The following ZBTB47 variants were observed in gnomAD, a reference collection of about 807,000 sequenced individuals.
The protein encoded by ZBTB47 is zinc finger and BTB domain containing 47.
Under a neutral mutation model 56.6 loss-of-function variants are expected in ZBTB47, and 24 were observed. The ratio of observed to expected loss-of-function variants is 0.42; its 90% CI spans 0.31 to 0.60. The LOEUF (loss-of-function observed/expected upper bound fraction) is 0.60. Among genes scored for constraint, ZBTB47 ranks in the 20% least tolerant of loss-of-function variants. ZBTB47 has a pLI of 0.14. For missense variants in ZBTB47, 829 were observed against 1,032.6 expected (o/e 0.80, Z 2.70); for synonymous variants, 414 against 418.9 (o/e 0.99, Z 0.14).
chr3:42,667,468 T>C lies in ZBTB47; in HGVS notation c.*2870T>C, dbSNP rs774713370. ...GGCAGAATGGCCATGCCCAGGTGTG[T>C]GTTGAGACCATTGACAACTGCTCGT... On this transcript the variant is annotated 3_prime_UTR_variant, in exon 6 of 6. Coordinates refer to ENST00000232974, the MANE Select transcript of ZBTB47 (RefSeq NM_145166.4). Among the ~76,000 whole-genome samples, 4 of 152,198 alleles carry C rather than the reference T, an allele frequency of 2.6e-5. No individual in the cohort carries two copies. The highest frequency in any genetic ancestry group is 4.8e-5 in the African/African-American group (2 of 41,460).
Position 42,658,887 on chromosome 3 carries a change from G to A in ZBTB47, c.532G>A (p.Val178Met). 6.6e-7 allele frequency: 1 copy of A among 1,513,466 alleles called. No homozygotes were observed. The highest frequency in any genetic ancestry group is 8.8e-7 in the Non-Finnish European group (1 of 1,134,822). 93.8% of individuals were successfully genotyped at this position (1,513,466 alleles called of 1,614,324 possible). ...EDGAGTAGGT[V>M]PATIGPAQPF... Reference sequence around the variant, plus strand: ...CGGGGCAGGGACTGCTGGTGGCACAGTGCCTGCCACCATTGGGCCAGCCCA... The same window carrying A: ...CGGGGCAGGGACTGCTGGTGGCACAATGCCTGCCACCATTGGGCCAGCCCA... The change falls in exon 2 of 6, where the codon GTG (valine) becomes ATG (methionine). Residue 178 changes from valine to methionine, a missense_variant. Around this residue, in one of 6 missense-constraint regions of ZBTB47, gnomAD observed 359 missense variants for 359.8 expected, o/e 1.00. Coordinates refer to ENST00000232974, the MANE Select transcript of ZBTB47 (RefSeq NM_145166.4).
chr3:42,666,684 C>G lies in ZBTB47; in HGVS notation c.*2086C>G, dbSNP rs6785543. 6.6e-6 allele frequency among the ~76,000 whole-genome samples: 1 copy of G among 152,174 alleles called. No individual in the cohort carries two copies. Among genetic ancestry groups the G allele is most frequent in the South Asian group, 2.1e-4 (1 of 4,830 alleles). ...TACAGCCTGAGTAGGCCTGAGTGGC[C>G]GTGGCCAGGCTGAGACCTGTCAGGC... On this transcript the variant is annotated 3_prime_UTR_variant, in exon 6 of 6. Transcript: ENST00000232974.
At position 42,658,443 on chromosome 3, in the gene ZBTB47, G is replaced by T; in HGVS notation, c.88G>T (p.Ala30Ser). 6.5e-7 allele frequency: 1 copy of T among 1,536,982 alleles called. No homozygotes were observed. Among genetic ancestry groups the T allele is most frequent in the Non-Finnish European group, 8.7e-7 (1 of 1,146,916 alleles). The change falls in exon 2 of 6, where the codon GCA (alanine) becomes TCA (serine). Residue 30 changes from alanine to serine, a missense_variant. Ala to Ser is a moderately conservative substitution (Grantham distance 99). Coordinates refer to ENST00000232974, the MANE Select transcript of ZBTB47 (RefSeq NM_145166.4). ...GGTGCCCCAGCGCAGCGTCTTTCCG[G>T]CACACAAGGGTGTGCTAGCCGCCTA... ...VLVPQRSVFP[A>S]HKGVLAAYSQ... is the part of the protein sequence containing the mutation.
At chr3:42,664,175 G>A in intron 5 of ZBTB47, 62 bp from the exon 6 acceptor site, 1 of 1,589,958 alleles carries the variant, frequency 6.3e-7, no homozygotes, top group Non-Finnish European at 8.6e-7. Context: ...GACGGAGGCT[G>A]GCCCCAGACT....
At chr3:42,657,529 G>T (rs574620232) in intron 1 of ZBTB47, among the ~76,000 whole-genome samples, 2 of 152,232 alleles carry the variant, frequency 1.3e-5, no homozygotes, top group Admixed American at 1.3e-4. Context: ...CCTGGCCCAA[G>T]CCCTGGCTGT....
rs1710665132 is a variant in ZBTB47, at chr3:42,658,441, C to T, written c.86C>T (p.Pro29Leu). The T allele has an allele frequency of 1.3e-6, 2 of 1,537,010 alleles. No individual in the cohort carries two copies. The highest frequency in any genetic ancestry group is 1.7e-6 in the Non-Finnish European group (2 of 1,146,918). ...CTGGTGCCCCAGCGCAGCGTCTTTC[C>T]GGCACACAAGGGTGTGCTAGCCGCC... The part of the protein sequence containing the change: ...LVLVPQRSVF[P>L]AHKGVLAAYS... The change falls in exon 2 of 6, where the codon CCG becomes CTG. Residue 29 changes from proline to leucine, a missense_variant. Around this residue, in one of 6 missense-constraint regions of ZBTB47, gnomAD observed 120 missense variants for 200.2 expected, o/e 0.60. Coordinates refer to ENST00000232974, the MANE Select transcript of ZBTB47 (RefSeq NM_145166.4).
chr3:42,664,784 T>C lies in ZBTB47; in HGVS notation c.*186T>C. On this transcript the variant is annotated 3_prime_UTR_variant, in exon 6 of 6. Coordinates refer to ENST00000232974, the MANE Select transcript of ZBTB47 (RefSeq NM_145166.4). ...TATGCAGGCTGGCAGGCCCCAGAGC[T>C]GGTGGAGGGCATCTCACTCCCAAGT... is the stretch of plus-strand genomic sequence containing the variant. 1 of 557,454 alleles carries C rather than the reference T, an allele frequency of 1.8e-6. No homozygotes were observed. The highest frequency in any genetic ancestry group is 7.3e-5 in the South Asian group (1 of 13,652). 34.5% of individuals were successfully genotyped at this position (557,454 alleles called of 1,614,324 possible). A position where few individuals can be genotyped will look rare whatever the true frequency, so the allele number is the denominator to read the frequency against.
In ZBTB47 at chr3:42,659,327, GCAGGAA is replaced by G. The variant is rs764676407; in HGVS notation, c.973_978del (p.Gln325_Glu326del). On this transcript the variant is annotated inframe_deletion, in exon 2 of 6. Coordinates refer to ENST00000232974, the MANE Select transcript of ZBTB47 (RefSeq NM_145166.4). ...AAGAGGAGGAGGACGGGCACAGTGA[GCAGGAA>G]GAGGAAGAGGAGGAGGAAGAGGAGG... is the stretch of plus-strand genomic sequence containing the variant. 1.6e-4 allele frequency: 231 copies of G among 1,467,906 alleles called. 2 individuals are homozygous for G. The Admixed American group carries it at 4.6e-3, about 29-fold the overall frequency. 90.9% of individuals were successfully genotyped at this position (1,467,906 alleles called of 1,614,324 possible).
intron 3 of ZBTB47, among the ~76,000 whole-genome samples, chr3:42,662,231 C>A (rs557035312): frequency 6.6e-6 from 1 of 152,194 alleles, no homozygotes; most frequent in African/African-American, 2.4e-5. Flanking sequence ...CTTCCTTGCC[C>A]GCTCCAAGTC....
In ZBTB47 at chr3:42,666,467, C is replaced by T. The variant is rs1300462583; in HGVS notation, c.*1869C>T. Among the ~76,000 whole-genome samples the T allele has an allele frequency of 6.6e-6, 1 of 151,800 alleles. No homozygotes were observed. The highest frequency in any genetic ancestry group is 2.4e-5 in the African/African-American group (1 of 41,096). On this transcript the variant is annotated 3_prime_UTR_variant, in exon 6 of 6. Coordinates refer to ENST00000232974, the MANE Select transcript of ZBTB47 (RefSeq NM_145166.4). ...GCTTCCGTGATGTCCTCAGGGTCCC[C>T]CCCTCCCTGTTGCTATTTTTAATCT...
At position 42,659,939 on chromosome 3, in the gene ZBTB47, G is replaced by A. The variant is rs1011124382; in HGVS notation, c.1473+111G>A. 3.9e-5 allele frequency: 55 copies of A among 1,403,940 alleles called. 1 individual carries two copies. Among genetic ancestry groups the A allele is most frequent in the Admixed American group, 1.4e-4 (5 of 36,320 alleles). 87.0% of individuals were successfully genotyped at this position (1,403,940 alleles called of 1,614,324 possible). A position where few individuals can be genotyped will look rare whatever the true frequency, so the allele number is the denominator to read the frequency against. ...TGACTGCATTACCTAGGTGGTCTGC[G>A]GAGACCAGACTTAGCCCCCAGACAG... is the stretch of plus-strand genomic sequence containing the variant. On this transcript the variant is annotated intron_variant, in intron 2 of 5. Coordinates refer to ENST00000232974, the MANE Select transcript of ZBTB47 (RefSeq NM_145166.4).
Position 42,663,694 on chromosome 3 carries a change from A to C in ZBTB47, c.1738-103A>C. The C allele has an allele frequency of 6.9e-7, 1 of 1,447,248 alleles. No homozygotes were observed. Among genetic ancestry groups the C allele is most frequent in the South Asian group, 1.3e-5 (1 of 74,686 alleles). 89.7% of individuals were successfully genotyped at this position (1,447,248 alleles called of 1,614,324 possible). A position where few individuals can be genotyped will look rare whatever the true frequency, so the allele number is the denominator to read the frequency against. On this transcript the variant is annotated intron_variant, in intron 4 of 5. Coordinates refer to ENST00000232974, the MANE Select transcript of ZBTB47 (RefSeq NM_145166.4). The surrounding 1 kb of genome is among the most constrained non-coding windows in gnomAD (Gnocchi z 5.1). ...CCATCTCCTTGCCCAGGAGCCCCTG[A>C]GTGTGTCCCTCCTTGGCCCTGTGGC...
chr3:42,658,979 C>A lies in ZBTB47; in HGVS notation c.624C>A (p.Cys208Ter). 1 of 1,519,320 alleles carries A rather than the reference C, an allele frequency of 6.6e-7. No individual in the cohort carries two copies. The highest frequency in any genetic ancestry group is 8.8e-7 in the Non-Finnish European group (1 of 1,138,924). The allele number at this position is 1,519,320 out of a possible 1,614,324, so 94.1% of individuals were successfully genotyped here. A position where few individuals can be genotyped will look rare whatever the true frequency, so the allele number is the denominator to read the frequency against. ...EEAGGPPASLCKLEGGEELEE... is the reference protein window; with the variant it reads ...EEAGGPPASL Reference sequence around the variant, plus strand: ...CCGGTGGGCCCCCAGCCAGCTTGTGCAAGCTGGAGGGTGGAGAAGAGTTGG... The same window carrying A: ...CCGGTGGGCCCCCAGCCAGCTTGTGAAAGCTGGAGGGTGGAGAAGAGTTGG... The change falls in exon 2 of 6, where the codon TGC (cysteine) becomes TGA (stop). Residue 208 changes from cysteine to a stop codon, truncating the protein, a stop_gained. Coordinates refer to ENST00000232974, the MANE Select transcript of ZBTB47 (RefSeq NM_145166.4). LOFTEE classifies it high-confidence loss of function.
Position 42,661,652 on chromosome 3 carries a change from G to C in ZBTB47, c.1621+20G>C, listed in dbSNP as rs949476176. The C allele has an allele frequency of 1.2e-6, 2 of 1,613,098 alleles. No homozygotes were observed. The highest frequency in any genetic ancestry group is 1.7e-6 in the Non-Finnish European group (2 of 1,179,486). Reference sequence around the variant, plus strand: ...TGGTTGGTAAGTCTGGGCCACTGGGGGATGGAGCCAGAGGATAGAGATGGA... The same window carrying C: ...TGGTTGGTAAGTCTGGGCCACTGGGCGATGGAGCCAGAGGATAGAGATGGA... On this transcript the variant is annotated intron_variant, in intron 3 of 5. Transcript: ENST00000232974.
At chr3:42,661,377 C>T (rs1016509891) in intron 2 of ZBTB47, 108 bp from the exon 3 acceptor site, 1 of 1,319,234 alleles carries the variant, frequency 7.6e-7, no homozygotes. Flanking sequence ...AAGGGCTCTC[C>T]AGCATATTTC....
rs339724 is a variant in ZBTB47 at position 42,658,964 on chromosome 3, C to T, written c.609C>T (p.Pro203=). 344,306 of 1,507,008 alleles carry T rather than the reference C, an allele frequency of 0.23. 42,242 individuals are homozygous for T. Among genetic ancestry groups the T allele is most frequent in the East Asian group, 0.43 (17,440 of 40,634 alleles). The allele number at this position is 1,507,008 out of a possible 1,614,324, so 93.4% of individuals were successfully genotyped here. A position where few individuals can be genotyped will look rare whatever the true frequency, so the allele number is the denominator to read the frequency against. The change falls in exon 2 of 6, where the codon CCC becomes CCT. Residue 203 remains proline (P), a synonymous_variant. Transcript: ENST00000232974. ...GTGGTGTCGAGGAGGCCGGTGGGCC[C>T]CCAGCCAGCTTGTGCAAGCTGGAGG... ...KEGGVEEAGG[P]PASLCKLEGG...
rs1399814122 is a variant in ZBTB47, at chr3:42,663,004, C to A, written c.1622-8C>A. ...TAAAACATGATGGCCCTGGTGCCCA[C>A]CTCGTAGCCCACACCAAGGACATGC... On this transcript the variant is annotated splice_region_variant and splice_polypyrimidine_tract_variant and intron_variant, in intron 3 of 5. Transcript: ENST00000232974. This position sits in a 1 kb window ranked among gnomAD's most constrained non-coding sequence, Gnocchi z 5.1. 6.2e-7 allele frequency: 1 copy of A among 1,609,464 alleles called. No individual in the cohort carries two copies. Among genetic ancestry groups the A allele is most frequent in the East Asian group, 2.2e-5 (1 of 44,800 alleles).
rs2290975 is a variant in ZBTB47, at chr3:42,667,501, C to T, written c.*2903C>T. On this transcript the variant is annotated 3_prime_UTR_variant, in exon 6 of 6. Coordinates refer to ENST00000232974, the MANE Select transcript of ZBTB47 (RefSeq NM_145166.4). ...CCATTGACAACTGCTCGTGTACAGG[C>T]ACCCCACAGCCCCAGAGCATGGGGC... Among the ~76,000 whole-genome samples the T allele has an allele frequency of 4.1e-4, 62 of 152,346 alleles. No homozygotes were observed. In the East Asian group the frequency reaches 0.011, roughly 27 times the overall value.
Position 42,659,714 on chromosome 3 carries a change from A to C in ZBTB47, c.1359A>C (p.Lys453Asn). Residue 453 changes from lysine to asparagine, a missense_variant, in exon 2 of 6, where the codon AAA (lysine) becomes AAC (asparagine). Transcript: ENST00000232974. Reference sequence around the variant, plus strand: ...TCAACAACCGCTGGTACCTGGAGAAACACATGAATGTGACCCACAGCCGCA... The same window carrying C: ...TCAACAACCGCTGGTACCTGGAGAACCACATGAATGTGACCCACAGCCGCA... ...RVFNNRWYLE[K>N]HMNVTHSRMQ... is the part of the protein sequence containing the mutation. The C allele has an allele frequency of 6.2e-7, 1 of 1,613,806 alleles. No homozygotes were observed. The highest frequency in any genetic ancestry group is 1.1e-5 in the South Asian group (1 of 91,032).
Sources: gnomAD v4.1 joint callset for allele counts (sites outside exome capture counted in the v4.1 genomes callset) on GRCh38, gnomAD v4.1.1 for gene constraint, gnomAD v4.1.1 regional missense constraint, Gnocchi (gnomAD v3.1) non-coding constraint, MANE v1.5 for transcripts, NCBI Gene and HGNC (gene_info 2026-07-23, HGNC 2026-07-21) for gene names.